The following TRPV1 variants were observed in gnomAD, a reference collection of about 807,000 sequenced individuals.
TRPV1 encodes the protein transient receptor potential cation channel subfamily V member 1.
TRPV1 carries 82 observed loss-of-function variants against 82.3 expected under a neutral mutation model. The ratio of observed to expected loss-of-function variants is 1.00; its 90% CI spans 0.83 to 1.20. TRPV1 has a LOEUF of 1.20. Ranked by LOEUF, TRPV1 falls within the 50% of genes most tolerant of loss-of-function variation. TRPV1 has a pLI of 0.00. For synonymous variants in TRPV1, 515 were observed against 467.7 expected (o/e 1.10, Z -1.30); for missense variants, 1,067 against 1,096.8 (o/e 0.97, Z 0.38).
intron 14 of TRPV1, 82 bp downstream of exon 14, chr17:3,573,551 C>CCCCCCCCCCCCCCCCCCCG: frequency 1.6e-6 from 1 of 635,234 alleles, no homozygotes; most frequent in South Asian, 6.1e-5. Context: ...ACCCACCCAC[C>CCCCCCCCCCCCCCCCCCCG]TGCAGCCAGC....
chr17:3,589,825 A>C lies in TRPV1; in HGVS notation c.1026T>G (p.Ala342=). The change falls in exon 7 of 17, where the codon GCT becomes GCG. Residue 342 remains alanine (A), a synonymous_variant. Coordinates refer to ENST00000572705, the MANE Select transcript of TRPV1 (RefSeq NM_080704.4). ...KKGMTPLALA[A]GTGKIGVLAY... The stretch of plus-strand genomic sequence containing the variant: ...CTCTTACCCCGATCTTCCCGGTCCC[A>C]GCTGCCAGAGCCAGCGGCGTCATTC... 6.2e-7 allele frequency: 1 copy of C among 1,613,222 alleles called. No homozygotes were observed. Among genetic ancestry groups the C allele is most frequent in the Non-Finnish European group, 8.5e-7 (1 of 1,179,402 alleles).
chr17:3,582,051 G>A (rs551347548), intron 10 of TRPV1, among the ~76,000 whole-genome samples: 10 of 148,672 alleles, frequency 6.7e-5, no homozygotes, highest in Non-Finnish European at 1.0e-4. Context: ...TTAGCCGGGC[G>A]TGGTGGCGGG....
rs201938084 is a variant in TRPV1, at chr17:3,583,332, G to A, written c.1476+6C>T. On this transcript the variant is annotated splice_donor_region_variant and intron_variant, in intron 10 of 16. Transcript: ENST00000572705. Reference sequence around the variant, plus strand: ...GGAAACTCACAATGTGGGAAGGAACGCTTACCCCTCGGAAAAAGAAGTAGA... The same window carrying A: ...GGAAACTCACAATGTGGGAAGGAACACTTACCCCTCGGAAAAAGAAGTAGA... 8.2e-5 allele frequency: 132 copies of A among 1,603,462 alleles called. No homozygotes were observed. Among genetic ancestry groups the A allele is most frequent in the Non-Finnish European group, 1.1e-4 (129 of 1,174,556 alleles).
Position 3,590,045 on chromosome 17 carries a change from A to G in TRPV1, c.806T>C (p.Leu269Pro), listed in dbSNP as rs759853578. 3.1e-6 allele frequency: 5 copies of G among 1,589,798 alleles called. No homozygotes were observed. In the South Asian group the frequency reaches 5.7e-5, roughly 18 times the overall value. ...TNQLGIVKFL[L>P]QNSWQTADIS... The stretch of plus-strand genomic sequence containing the variant: ...GTCGGCCGTCTGCCAGGAGTTCTGC[A>G]GCAGGAACTTCACGATGCCCAGCTG... The change falls in exon 7 of 17, where the codon CTG (leucine) becomes CCG (proline). Residue 269 changes from leucine (L) to proline (P), a missense_variant. Physicochemically the swap from Leu to Pro is moderately conservative, Grantham distance 98. Coordinates refer to ENST00000572705, the MANE Select transcript of TRPV1 (RefSeq NM_080704.4).
chr17:3,599,650 A>G (rs1166631884), intron 2 of TRPV1, among the ~76,000 whole-genome samples: 1 of 132,318 alleles, frequency 7.6e-6, no homozygotes, highest in South Asian at 2.3e-4. Context: ...TTTTTTCGAG[A>G]TGAAGTCTCA....
intron 16 of TRPV1, among the ~76,000 whole-genome samples, chr17:3,570,996 C>T (rs1448176294): frequency 2.0e-5 from 3 of 152,186 alleles, no homozygotes; most frequent in Non-Finnish European, 1.5e-5. Flanking sequence ...GGATGACAGG[C>T]GTGAGCCACT....
intron 5 of TRPV1, 83 bp from the exon 6 acceptor site, chr17:3,590,475 G>A (rs7502670): frequency 0.62 from 967,659 of 1,549,944 alleles, 307,478 homozygotes; most frequent in African/African-American, 0.69. Flanking sequence ...GCTCTGGGCA[G>A]GCAGCAGCTG....
intron 16 of TRPV1, among the ~76,000 whole-genome samples, chr17:3,567,416 G>C (rs970833795): frequency 1.4e-5 from 2 of 141,440 alleles, no homozygotes; most frequent in African/African-American, 5.2e-5. Flanking sequence ...AAGAAAGAAA[G>C]AAAAAACGAG....
intron 9 of TRPV1, 35 bp from the exon 10 acceptor site, chr17:3,583,465 C>A: frequency 6.7e-7 from 1 of 1,501,902 alleles, no homozygotes; most frequent in Non-Finnish European, 9.1e-7. Flanking sequence ...ACTCCATTTA[C>A]TCATTCGTTC....
chr17:3,586,073 G>A, intron 8 of TRPV1, 147 bp from the exon 9 acceptor site: 4 of 1,043,592 alleles, frequency 3.8e-6, no homozygotes, highest in Non-Finnish European at 4.1e-6. Flanking sequence ...GAGCCAGCCG[G>A]CAGCCATAGC....
At position 3,592,204 on chromosome 17, in the gene TRPV1, G is replaced by A. The variant is rs780011741; in HGVS notation, c.147C>T (p.Leu49=). 6.2e-7 allele frequency: 1 copy of A among 1,613,266 alleles called. No homozygotes were observed. The highest frequency in any genetic ancestry group is 1.7e-5 in the Admixed American group (1 of 59,868). ...QLSTAKSRTR[L]FGKGDSEEAF... ...CCTCCTCCGAGTCACCCTTCCCAAAGAGCCGGGTGCGGCTCTTGGCCGTGG... is the reference window on the plus strand; with the variant it reads ...CCTCCTCCGAGTCACCCTTCCCAAAAAGCCGGGTGCGGCTCTTGGCCGTGG... The change falls in exon 3 of 17, where the codon CTC becomes CTT. Residue 49 remains leucine (L), a synonymous_variant. Transcript: ENST00000572705.
chr17:3,597,994 C>T (rs995063339), intron 2 of TRPV1, among the ~76,000 whole-genome samples: 2 of 152,142 alleles, frequency 1.3e-5, no homozygotes, highest in African/African-American at 4.8e-5. Flanking sequence ...TTTCTCTCTT[C>T]ACTTCATACC....
chr17:3,583,872 G>A (rs2075051240), intron 9 of TRPV1, among the ~76,000 whole-genome samples: 1 of 152,148 alleles, frequency 6.6e-6, no homozygotes, highest in Non-Finnish European at 1.5e-5. Flanking sequence ...CACACTTGTG[G>A]GTGTCACCCT....
chr17:3,569,930 G>GCC (rs1305863242), intron 16 of TRPV1, among the ~76,000 whole-genome samples: 3 of 148,102 alleles, frequency 2.0e-5, no homozygotes, highest in African/African-American at 7.7e-5. Context: ...GGTCAGGGAG[G>GCC]AGGGGCCAAG....
At chr17:3,576,303 A>C (rs992007579) in intron 13 of TRPV1, among the ~76,000 whole-genome samples, 1 of 151,846 alleles carries the variant, frequency 6.6e-6, no homozygotes, top group Non-Finnish European at 1.5e-5. Flanking sequence ...GGATCACCTC[A>C]GGTCAGGAGT....
intron 11 of TRPV1, 115 bp from the exon 12 acceptor site, chr17:3,577,878 AG>A (rs1173999158): frequency 2.0e-6 from 2 of 981,960 alleles, no homozygotes; most frequent in African/African-American, 3.2e-5. Flanking sequence ...AATAGGAGCT[AG>A]GGTTGGGCTG....
chr17:3,582,553 G>T (rs1306277406), intron 10 of TRPV1, among the ~76,000 whole-genome samples: 1 of 151,494 alleles, frequency 6.6e-6, no homozygotes, highest in African/African-American at 2.4e-5. Context: ...TGCAAGAAAG[G>T]TGATGTAAAA....
At position 3,565,858 on chromosome 17, in the gene TRPV1, A is replaced by G. The variant is rs2074753901; in HGVS notation, c.*957T>C. On this transcript the variant is annotated 3_prime_UTR_variant, in exon 17 of 17. Coordinates refer to ENST00000572705, the MANE Select transcript of TRPV1 (RefSeq NM_080704.4). ...AAAGGTGTTTTCCTGGGCTTCATTT[A>G]CTTTTGCTCCTAATAATATAAAATC... The G allele has an allele frequency of 6.6e-6, 1 of 152,240 alleles. No individual in the cohort carries two copies. The highest frequency in any genetic ancestry group is 1.5e-5 in the Non-Finnish European group (1 of 68,064). 9.4% of individuals were successfully genotyped at this position (152,240 alleles called of 1,614,324 possible).
chr17:3,590,896 G>T, intron 5 of TRPV1, 68 bp downstream of exon 5: 1 of 1,479,554 alleles, frequency 6.8e-7, no homozygotes. Context: ...GAGGCCCAGG[G>T]ACAACCATGC....
Sources: allele counts gnomAD v4.1 joint callset (sites outside exome capture counted in the v4.1 genomes callset), GRCh38; gene constraint gnomAD v4.1.1; transcripts MANE v1.5; gene names NCBI Gene and HGNC (gene_info 2026-07-23, HGNC 2026-07-21).